The following SGCD variants were observed in gnomAD, a reference collection of about 807,000 sequenced individuals.
SGCD encodes the protein sarcoglycan delta, also known as delta-sarcoglycan.
Under a neutral mutation model 36.6 loss-of-function variants are expected in SGCD, and 18 were observed. That is an observed-to-expected ratio of 0.49 (90% confidence interval 0.34 to 0.73). SGCD has a LOEUF of 0.73. SGCD is among the 30% of genes least tolerant of loss of function. The pLI is 0.01. For synonymous variants in SGCD, 133 were observed against 130.6 expected (o/e 1.02, Z -0.12); for missense variants, 387 against 346.7 (o/e 1.12, Z -0.92).
chr5:156,555,458 A>G (rs1758984129), intron 4 of SGCD, among the ~76,000 whole-genome samples: 1 of 152,150 alleles, frequency 6.6e-6, no homozygotes, highest in African/African-American at 2.4e-5. Context: ...TCGTCCCAGC[A>G]TCATTTGTTG....
At chr5:156,415,463 G>C (rs1772981274) in intron 3 of SGCD, among the ~76,000 whole-genome samples, 1 of 152,200 alleles carries the variant, frequency 6.6e-6, no homozygotes, top group Admixed American at 6.5e-5. Flanking sequence ...TCTCAGGTGG[G>C]TGTGACAGCT....
In SGCD at chr5:156,344,600, G is replaced by C. The variant is rs1768850304; in HGVS notation, c.115G>C (p.Val39Leu). ...GCGGAAACGATGCCTGTATTTCTTT[G>C]TCCTGCTCCTCATGATTTTAATACT... Reference protein sequence around the residue: ...GWRKRCLYFFVLLLMILILVN... With the variant: ...GWRKRCLYFFLLLLMILILVN... The change falls in exon 3 of 9, where the codon GTC becomes CTC. Residue 39 changes from valine (V) to leucine (L), a missense_variant. Val to Leu is a conservative substitution (Grantham distance 32, BLOSUM62 1). Coordinates refer to ENST00000337851, the MANE Select transcript of SGCD (RefSeq NM_000337.6). The C allele has an allele frequency of 1.2e-6, 2 of 1,612,060 alleles. No homozygotes were observed. The highest frequency in any genetic ancestry group is 2.7e-5 in the African/African-American group (2 of 74,748).
the SGCD span, among the ~76,000 whole-genome samples, chr5:155,809,697 C>T: frequency 1.3e-5 from 2 of 152,104 alleles, no homozygotes; most frequent in African/African-American, 4.8e-5. Flanking sequence ...CCAAATATAT[C>T]TAGGAGAGAT....
the SGCD span, among the ~76,000 whole-genome samples, chr5:155,734,275 G>A: frequency 2.0e-5 from 3 of 151,398 alleles, no homozygotes; most frequent in Non-Finnish European, 2.9e-5. Flanking sequence ...GTACCATCTT[G>A]GCTCACTGCA....
intron 1 of SGCD, among the ~76,000 whole-genome samples, chr5:156,105,966 C>T (rs1761635845): frequency 6.6e-6 from 1 of 151,674 alleles, no homozygotes; most frequent in Non-Finnish European, 1.5e-5. Flanking sequence ...CAAAAATTAG[C>T]TGGGTGTGGT....
rs189796704 is a variant in SGCD at position 155,940,839 on chromosome 5, C to T, written c.-282+70415C>T. Among the ~76,000 whole-genome samples, 1,190 of 148,868 alleles carry T rather than the reference C, an allele frequency of 8.0e-3. 12 individuals carry two copies. The highest frequency in any genetic ancestry group is 0.011 in the Non-Finnish European group (753 of 67,620). ...CAGCCTGGGTGACAAAGCAAGAATC[C>T]GTCTCAAAACAAACAAACAACAACA... On this transcript the variant is annotated intron_variant, in intron 1 of 9. Transcript: ENST00000517913.
intron 1 of SGCD, among the ~76,000 whole-genome samples, chr5:155,973,522 A>G (rs980452966): frequency 6.6e-6 from 1 of 152,180 alleles, no homozygotes; most frequent in African/African-American, 2.4e-5. Context: ...GGGTTTTCTA[A>G]ATTAAGGGGA....
At chr5:156,210,160 G>C (rs1032686301) in intron 3 of SGCD, among the ~76,000 whole-genome samples, 4 of 152,100 alleles carry the variant, frequency 2.6e-5, no homozygotes, top group African/African-American at 9.7e-5. Context: ...ACAGACCCAG[G>C]TAGCAAACCC....
chr5:156,100,058 C>G (rs750587713), intron 1 of SGCD, among the ~76,000 whole-genome samples: 4 of 151,962 alleles, frequency 2.6e-5, no homozygotes, highest in Non-Finnish European at 5.9e-5. Flanking sequence ...CATTAGACCC[C>G]TATTGAGGCA....
At chr5:156,194,653 ATAT>A (rs1763977834) in intron 3 of SGCD, among the ~76,000 whole-genome samples, 1 of 152,016 alleles carries the variant, frequency 6.6e-6, no homozygotes, top group South Asian at 2.1e-4. Flanking sequence ...AAGGTAATTA[ATAT>A]TATAATATAA....
the SGCD span, among the ~76,000 whole-genome samples, chr5:155,851,125 T>A: frequency 6.6e-6 from 1 of 152,232 alleles, no homozygotes. Context: ...TTAATCTACA[T>A]TCCTGTCTTT....
intron 1 of SGCD, among the ~76,000 whole-genome samples, chr5:156,076,418 C>G (rs1171696366): frequency 6.6e-6 from 1 of 151,928 alleles, no homozygotes; most frequent in East Asian, 1.9e-4. Context: ...GATATAAAAC[C>G]TTACCACCTT....
chr5:155,992,138 A>G (rs1157720129), intron 1 of SGCD, among the ~76,000 whole-genome samples: 9 of 152,180 alleles, frequency 5.9e-5, no homozygotes, highest in African/African-American at 2.2e-4. Flanking sequence ...TAGGTTGGAT[A>G]CTACTTCCAA....
chr5:156,387,607 AGAATTAGAT>A (rs1771340455), intron 3 of SGCD, among the ~76,000 whole-genome samples: 1 of 152,204 alleles, frequency 6.6e-6, no homozygotes, highest in Non-Finnish European at 1.5e-5. Flanking sequence ...TAGCAGATGA[AGAATTAGAT>A]GTTGAAGCAT....
the SGCD span, among the ~76,000 whole-genome samples, chr5:155,858,845 G>A: frequency 6.6e-6 from 1 of 152,036 alleles, no homozygotes; most frequent in Non-Finnish European, 1.5e-5. Flanking sequence ...GGTTCCCTAG[G>A]TGAGTCCTAT....
At chr5:156,307,174 T>A (rs1707322237) in intron 3 of SGCD, among the ~76,000 whole-genome samples, 1 of 151,922 alleles carries the variant, frequency 6.6e-6, no homozygotes, top group Non-Finnish European at 1.5e-5. Flanking sequence ...CCCAAGTAGC[T>A]GGGACTATAA....
At chr5:156,366,534 T>A (rs2127735755) in intron 3 of SGCD, among the ~76,000 whole-genome samples, 1 of 152,216 alleles carries the variant, frequency 6.6e-6, no homozygotes, top group South Asian at 2.1e-4. Context: ...AAGTGAAGAA[T>A]AAGAAGAGGT....
the SGCD span, among the ~76,000 whole-genome samples, chr5:155,760,179 C>CTCTCCATCATCA: frequency 3.3e-5 from 5 of 151,070 alleles, no homozygotes; most frequent in Non-Finnish European, 7.4e-5. Flanking sequence ...CACCAACACC[C>CTCTCCATCATCA]TCTCCATCAT....
chr5:156,333,447 C>A (rs920829516), intron 2 of SGCD, among the ~76,000 whole-genome samples: 6 of 152,152 alleles, frequency 3.9e-5, no homozygotes, highest in African/African-American at 1.4e-4. Context: ...CTAGCTAATA[C>A]AATCACAAAA....
Sources: allele counts gnomAD v4.1 joint callset (sites outside exome capture counted in the v4.1 genomes callset), GRCh38; gene constraint gnomAD v4.1.1; transcripts MANE v1.5; gene names NCBI Gene and HGNC (gene_info 2026-07-23, HGNC 2026-07-21).